RGSL1: variants seen among roughly 807,000 people sequenced by gnomAD.
The protein encoded by RGSL1 is regulator of G protein signaling protein-like.
Under a neutral mutation model 124.7 loss-of-function variants are expected in RGSL1, and 97 were observed. The observed-to-expected ratio is 0.78, with a 90% CI of 0.66 to 0.92. The LOEUF is 0.92. Ranked by LOEUF, RGSL1 falls within the 40% of genes least tolerant of loss-of-function variation. The pLI is 0.00. For synonymous variants in RGSL1, 424 were observed against 438.1 expected (o/e 0.97, Z 0.40); for missense variants, 1,233 against 1,288.4 (o/e 0.96, Z 0.66).
At chr1:182,524,286 T>C (rs1316169599) in intron 10 of RGSL1, among the ~76,000 whole-genome samples, 1 of 37,438 alleles carries the variant, frequency 2.7e-5, no homozygotes, top group Non-Finnish European at 6.9e-5. Context: ...CTGACAGAAA[T>C]GAGAGTATAT....
rs1224917990 is a variant in RGSL1, at chr1:182,548,227, T to C, written c.2670-90T>C. ...TGGCCTAGAACTGGCCTTGCGTTTT[T>C]TGGGCCAGAAATGAGTCTAGGCTGG... On this transcript the variant is annotated intron_variant, in intron 15 of 21. Transcript: ENST00000294854. 8 of 1,435,290 alleles carry C rather than the reference T, an allele frequency of 5.6e-6. No individual in the cohort carries two copies. In the East Asian group the frequency reaches 2.0e-4, roughly 36 times the overall value. 88.9% of individuals were successfully genotyped at this position (1,435,290 alleles called of 1,614,324 possible). A position where few individuals can be genotyped will look rare whatever the true frequency, so the allele number is the denominator to read the frequency against.
At chr1:182,526,546 C>A (rs1658759294) in intron 10 of RGSL1, among the ~76,000 whole-genome samples, 3 of 151,820 alleles carry the variant, frequency 2.0e-5, no homozygotes, top group Non-Finnish European at 2.9e-5. Flanking sequence ...TGGTGGTGCA[C>A]ACCTGTAGTT....
At chr1:182,488,905 G>A (rs1558294084) in intron 7 of RGSL1, 75 bp from the exon 8 acceptor site, 14 of 1,198,652 alleles carry the variant, frequency 1.2e-5, no homozygotes, top group Non-Finnish European at 1.4e-5. Context: ...ATGGAGCACT[G>A]AGTTATTACA....
Position 182,532,794 on chromosome 1 carries a change from AAGTC to A in RGSL1, c.2494+5_2494+8del, listed in dbSNP as rs1337344781. ...GGAAATGCAAAATAGCAAGGAAAGT[AAGTC>A]ATTTCTGTATTTACCCCCACTCCCT... On this transcript the variant is annotated splice_donor_5th_base_variant and intron_variant, in intron 14 of 21. Transcript: ENST00000294854. 1 of 1,549,676 alleles carries A rather than the reference AAGTC, an allele frequency of 6.5e-7. No homozygotes were observed. Among genetic ancestry groups the A allele is most frequent in the Non-Finnish European group, 8.7e-7 (1 of 1,145,730 alleles).
chr1:182,559,528 C>G lies in RGSL1; in HGVS notation c.*166-751C>G, dbSNP rs149389476. Among the ~76,000 whole-genome samples the G allele has an allele frequency of 1.1e-4, 16 of 152,268 alleles. 1 individual carries two copies. Among genetic ancestry groups the G allele is most frequent in the Admixed American group, 3.3e-4 (5 of 15,292 alleles). On this transcript the variant is annotated intron_variant, in intron 21 of 21. Coordinates refer to ENST00000294854, the MANE Select transcript of RGSL1 (RefSeq NM_001137669.2). ...CCCTGTGAAGTCACCACATTCCCCT[C>G]TCCACACACACCCAACACACTCTGC...
chr1:182,509,718 T>A (rs569579602), intron 9 of RGSL1, among the ~76,000 whole-genome samples: 2,106 of 134,016 alleles, frequency 0.016, 49 homozygotes, highest in African/African-American at 0.055. Flanking sequence ...GGCGGGGGGC[T>A]GACCCCCCCA....
chr1:182,547,086 G>A (rs1372286701), intron 15 of RGSL1, among the ~76,000 whole-genome samples: 1 of 152,192 alleles, frequency 6.6e-6, no homozygotes, highest in Admixed American at 6.5e-5. Flanking sequence ...TTCCACAGAT[G>A]CTTGTTGATT....
chr1:182,456,658 A>T (rs1407273192), intron 2 of RGSL1, among the ~76,000 whole-genome samples: 3 of 152,202 alleles, frequency 2.0e-5, no homozygotes, highest in East Asian at 3.8e-4. Context: ...AACAATTCAC[A>T]ATAATGTTCT....
intron 15 of RGSL1, among the ~76,000 whole-genome samples, chr1:182,546,403 T>A (rs190301383): frequency 2.0e-4 from 30 of 152,274 alleles, no homozygotes; most frequent in Admixed American, 7.8e-4. Context: ...CAGTATTTTG[T>A]TTTTGTTTTC....
intron 4 of RGSL1, among the ~76,000 whole-genome samples, chr1:182,463,749 A>T (rs142107508): frequency 1.5e-3 from 225 of 152,354 alleles, no homozygotes; most frequent in African/African-American, 5.2e-3. Context: ...GAGAAAATAG[A>T]CAATCCTAAA....
chr1:182,558,274 G>T (rs10911097), intron 21 of RGSL1, among the ~76,000 whole-genome samples: 13 of 151,956 alleles, frequency 8.6e-5, no homozygotes, highest in African/African-American at 1.2e-4. Context: ...AGGAAAAGGC[G>T]TCCCAACACT....
intron 9 of RGSL1, among the ~76,000 whole-genome samples, chr1:182,504,779 AAAG>A (rs1656688121): frequency 1.3e-5 from 2 of 152,308 alleles, no homozygotes; most frequent in Admixed American, 6.5e-5. Context: ...AAAGAAAACA[AAAG>A]AAGAATAAAA....
chr1:182,552,865 T>C (rs1032767597), intron 18 of RGSL1, among the ~76,000 whole-genome samples: 18 of 152,010 alleles, frequency 1.2e-4, no homozygotes, highest in African/African-American at 3.9e-4. Flanking sequence ...ATGGCAACAA[T>C]CCATTCATGA....
At chr1:182,479,269 A>G (rs1406327306) in intron 6 of RGSL1, among the ~76,000 whole-genome samples, 1 of 152,188 alleles carries the variant, frequency 6.6e-6, no homozygotes, top group African/African-American at 2.4e-5. Context: ...AAGTTGTAAG[A>G]ATAATTATAA....
intron 14 of RGSL1, among the ~76,000 whole-genome samples, chr1:182,537,984 C>G (rs1047127588): frequency 6.6e-6 from 1 of 152,082 alleles, no homozygotes; most frequent in Admixed American, 6.5e-5. Context: ...TCAGAGAGTC[C>G]ACTGAACTTG....
intron 13 of RGSL1, 35 bp from the exon 14 acceptor site, chr1:182,532,627 T>C (rs1659254233): frequency 1.3e-6 from 2 of 1,545,946 alleles, no homozygotes. Flanking sequence ...GCAACCATAC[T>C]AATGAACATG....
chr1:182,476,983 G>A (rs972097355), intron 6 of RGSL1, among the ~76,000 whole-genome samples: 26 of 152,260 alleles, frequency 1.7e-4, no homozygotes, highest in African/African-American at 5.8e-4. Context: ...ATTTTTGTCC[G>A]TAGCACATAT....
chr1:182,497,331 T>C (rs1035977183), intron 9 of RGSL1, among the ~76,000 whole-genome samples: 1 of 147,890 alleles, frequency 6.8e-6, no homozygotes, highest in Non-Finnish European at 1.5e-5. Context: ...ATATATTATA[T>C]ATATATATTT....
Position 182,474,115 on chromosome 1 carries a change from A to G in RGSL1, c.1004A>G (p.Glu335Gly). ...CACCTCCACATGGAAGCCCCCTTTG[A>G]GACAAAGGTCTCTACCCACCTGAGG... ...KSHLHMEAPF[E>G]TKVSTHLRTV... The change falls in exon 6 of 22, where the codon GAG becomes GGG. Residue 335 changes from glutamate (E) to glycine (G), a missense_variant. Coordinates refer to ENST00000294854, the MANE Select transcript of RGSL1 (RefSeq NM_001137669.2). The G allele has an allele frequency of 2.6e-6, 4 of 1,551,944 alleles. No individual in the cohort carries two copies. Among genetic ancestry groups the G allele is most frequent in the Non-Finnish European group, 2.6e-6 (3 of 1,147,032 alleles).
Sources: allele counts gnomAD v4.1 joint callset (sites outside exome capture counted in the v4.1 genomes callset), GRCh38; gene constraint gnomAD v4.1.1; transcripts MANE v1.5; gene names NCBI Gene and HGNC (gene_info 2026-07-23, HGNC 2026-07-21).